Variants in ECT2L observed in about 807,000 individuals in gnomAD.
The protein encoded by ECT2L is epithelial cell-transforming sequence 2 oncogene-like.
Under a neutral mutation model 122.8 loss-of-function variants are expected in ECT2L, and 126 were observed. The ratio of observed to expected loss-of-function variants is 1.03; its 90% CI spans 0.89 to 1.19. The LOEUF (loss-of-function observed/expected upper bound fraction) is 1.19. Among genes scored for constraint, ECT2L ranks in the 50% most tolerant of loss-of-function variants. ECT2L has a pLI of 0.00. For missense variants in ECT2L, 1,012 were observed against 1,064.1 expected, an observed-to-expected ratio of 0.95 and a Z score of 0.68; for synonymous variants, 385 against 381.8, an observed-to-expected ratio of 1.01 and a Z score of -0.10.
At position 138,819,438 on chromosome 6, in the gene ECT2L, C is replaced by T. The variant is rs542987450; in HGVS notation, c.179+4835C>T. 1.2e-4 allele frequency among the ~76,000 whole-genome samples: 18 copies of T among 152,052 alleles called. No homozygotes were observed. In the South Asian group the frequency reaches 1.2e-3, roughly 11 times the overall value. On this transcript the variant is annotated intron_variant, in intron 4 of 21. Transcript: ENST00000541398. ...TCTCATGTTGAGCTTCTCTGTCTACCGCTTGACACCACCTGACACTATGTG... is the reference window on the plus strand; with the variant it reads ...TCTCATGTTGAGCTTCTCTGTCTACTGCTTGACACCACCTGACACTATGTG...
At chr6:138,803,090 T>A (rs1347101504) in intron 1 of ECT2L, among the ~76,000 whole-genome samples, 3 of 136,186 alleles carry the variant, frequency 2.2e-5, no homozygotes, top group Non-Finnish European at 3.1e-5. Context: ...AAAAAAAAAA[T>A]AATAATGATA....
At chr6:138,886,574 T>C (rs1383621379) in intron 18 of ECT2L, among the ~76,000 whole-genome samples, 1 of 151,736 alleles carries the variant, frequency 6.6e-6, no homozygotes, top group Non-Finnish European at 1.5e-5. Flanking sequence ...TGCTTGGCTC[T>C]TTTTTTGGCT....
At chr6:138,839,182 C>T (rs1776954292) in intron 5 of ECT2L, among the ~76,000 whole-genome samples, 1 of 152,198 alleles carries the variant, frequency 6.6e-6, no homozygotes, top group African/African-American at 2.4e-5. Flanking sequence ...ACAGCCTCAA[C>T]TAATCCCTTA....
intron 20 of ECT2L, among the ~76,000 whole-genome samples, 190 bp downstream of exon 20, chr6:138,889,221 A>G (rs1253631794): frequency 1.3e-5 from 2 of 152,198 alleles, no homozygotes; most frequent in African/African-American, 4.8e-5. Context: ...CCATGTTCAC[A>G]TTCCAGCCAG....
chr6:138,890,181 TCAAA>T (rs1263278032), intron 20 of ECT2L, among the ~76,000 whole-genome samples: 38 of 152,176 alleles, frequency 2.5e-4, no homozygotes, highest in South Asian at 2.1e-4. Flanking sequence ...AATTCTATTC[TCAAA>T]CATTCTTCCT....
rs1187218161 is a variant in ECT2L at position 138,813,161 on chromosome 6, G to A, written c.-103-11G>A. 1.5e-6 allele frequency: 1 copy of A among 650,828 alleles called. No individual in the cohort carries two copies. The allele number at this position is 650,828 out of a possible 1,614,324, so 40.3% of individuals were successfully genotyped here. ...TTCCTATAAGGACATTAACATATTG[G>A]TTATTTCTAGGTGATCTTAATTGCA... On this transcript the variant is annotated splice_polypyrimidine_tract_variant and intron_variant, in intron 2 of 21. Transcript: ENST00000541398.
intron 16 of ECT2L, among the ~76,000 whole-genome samples, chr6:138,885,191 G>A (rs1778774145): frequency 6.6e-6 from 1 of 151,818 alleles, no homozygotes; most frequent in Non-Finnish European, 1.5e-5. Flanking sequence ...ACCACGCCTG[G>A]CCAATTTTTT....
At chr6:138,837,097 CACACGTGTACATAT>C (rs1294898462) in intron 4 of ECT2L, among the ~76,000 whole-genome samples, 5 of 152,062 alleles carry the variant, frequency 3.3e-5, no homozygotes, top group Non-Finnish European at 2.9e-5. Context: ...AATATATGTA[CACACGTGTACATAT>C]ACAGCCATCT....
chr6:138,830,467 T>C (rs933806142), intron 4 of ECT2L, among the ~76,000 whole-genome samples: 14 of 152,274 alleles, frequency 9.2e-5, no homozygotes, highest in African/African-American at 3.4e-4. Context: ...CGAATGGATA[T>C]AGTCCACAGG....
chr6:138,828,085 C>T (rs61363475), intron 4 of ECT2L, among the ~76,000 whole-genome samples: 2,967 of 152,154 alleles, frequency 0.019, 92 homozygotes, highest in African/African-American at 0.067. Context: ...CTCCCCCCAC[C>T]GCATGACAGG....
At chr6:138,851,040 AAAAG>A (rs1271985235) in intron 9 of ECT2L, among the ~76,000 whole-genome samples, 2 of 151,512 alleles carry the variant, frequency 1.3e-5, no homozygotes, top group Non-Finnish European at 1.5e-5. Flanking sequence ...GAGAGAAAGA[AAAAG>A]AAATCTTGAA....
chr6:138,886,947 TATCTCATGCTCATGAA>T (rs1160077231), intron 19 of ECT2L, 25 bp downstream of exon 19: 1 of 1,583,318 alleles, frequency 6.3e-7, no homozygotes, highest in Non-Finnish European at 8.7e-7. Flanking sequence ...GAACTTGCTG[TATCTCATGCTCATGAA>T]TACAACCTCC....
chr6:138,801,245 C>A (rs1306722237), intron 1 of ECT2L, among the ~76,000 whole-genome samples: 3 of 152,174 alleles, frequency 2.0e-5, no homozygotes, highest in Non-Finnish European at 4.4e-5. Context: ...ATGGCAGACA[C>A]TATTGTGGGA....
intron 14 of ECT2L, among the ~76,000 whole-genome samples, chr6:138,880,271 C>G (rs1187279905): frequency 6.6e-6 from 1 of 152,158 alleles, no homozygotes; most frequent in East Asian, 1.9e-4. Context: ...GATCAAGATG[C>G]TAACATCTGT....
chr6:138,851,890 A>G (rs1234208020), intron 9 of ECT2L, among the ~76,000 whole-genome samples: 1 of 152,218 alleles, frequency 6.6e-6, no homozygotes, highest in Non-Finnish European at 1.5e-5. Flanking sequence ...AACATTTATT[A>G]TATTCCTAGT....
chr6:138,887,440 A>G (rs775449588), intron 19 of ECT2L, among the ~76,000 whole-genome samples: 2 of 151,864 alleles, frequency 1.3e-5, no homozygotes, highest in Non-Finnish European at 2.9e-5. Flanking sequence ...GTTAGCCAGG[A>G]TAGTCTCGAT....
At chr6:138,893,174 G>GTTTTTTTTTTTGT (rs367734062) in intron 20 of ECT2L, among the ~76,000 whole-genome samples, 1 of 135,532 alleles carries the variant, frequency 7.4e-6, no homozygotes, top group African/African-American at 2.9e-5. Flanking sequence ...GTTTTTTTTT[G>GTTTTTTTTTTTGT]TTTTTTTTTT....
chr6:138,878,681 A>T (rs1260738963), intron 14 of ECT2L, among the ~76,000 whole-genome samples: 1 of 151,876 alleles, frequency 6.6e-6, no homozygotes, highest in Non-Finnish European at 1.5e-5. Flanking sequence ...TCCTGAGCTC[A>T]GGTGATCCAC....
intron 7 of ECT2L, among the ~76,000 whole-genome samples, chr6:138,845,842 G>A (rs1291412331): frequency 6.6e-6 from 1 of 152,042 alleles, no homozygotes; most frequent in Non-Finnish European, 1.5e-5. Flanking sequence ...AGGCCAAGGT[G>A]GGAGGATCAC....
Sources: allele counts gnomAD v4.1 joint callset (sites outside exome capture counted in the v4.1 genomes callset), GRCh38; gene constraint gnomAD v4.1.1; transcripts MANE v1.5; gene names NCBI Gene and HGNC (gene_info 2026-07-23, HGNC 2026-07-21).